IFRD2: variants seen among roughly 807,000 people sequenced by gnomAD.
The protein encoded by IFRD2 is interferon-related developmental regulator 2.
Under a neutral mutation model 49.2 loss-of-function variants are expected in IFRD2, and 35 were observed. The ratio of observed to expected loss-of-function variants is 0.71; its 90% CI spans 0.54 to 0.94. IFRD2 has a LOEUF of 0.94. IFRD2 is among the 40% of genes least tolerant of loss of function. The pLI, the probability that IFRD2 is intolerant of heterozygous loss-of-function variation, is 0.00. For missense variants in IFRD2, 561 were observed against 591.6 expected (o/e 0.95, Z 0.54); for synonymous variants, 275 against 239.7 (o/e 1.15, Z -1.36).
Position 50,289,936 on chromosome 3 carries a change from C to G in IFRD2, c.539G>C (p.Arg180Pro). ...LSDSTASPAA[R>P]LHCASALGLG... ...GGGCACAGGCACACTCACGTGGAGCCGGGCAGCAGGGCTAGCTGTGCTGTC... is the reference window on the plus strand; with the variant it reads ...GGGCACAGGCACACTCACGTGGAGCGGGGCAGCAGGGCTAGCTGTGCTGTC... Residue 180 changes from arginine to proline, a missense_variant, in exon 5 of 12, where the codon CGG becomes CCG. Transcript: ENST00000417626. 1.2e-6 allele frequency: 2 copies of G among 1,613,038 alleles called. No individual in the cohort carries two copies. Among genetic ancestry groups the G allele is most frequent in the Middle Eastern group, 1.7e-4 (1 of 6,052 alleles).
In IFRD2 at chr3:50,288,829, T is replaced by C; in HGVS notation, c.994A>G (p.Thr332Ala). The change falls in exon 9 of 12, where the codon ACT (threonine) becomes GCT (alanine). Residue 332 changes from threonine to alanine, a missense_variant. Coordinates refer to ENST00000417626, the MANE Select transcript of IFRD2 (RefSeq NM_006764.5). The part of the protein sequence containing the change: ...AKADRRRQRS[T>A]FRAVLHSVEG... Reference sequence around the variant, plus strand: ...ACGGAGTGCAGCACGGCGCGGAAAGTAGAGCGCTGGCGCCGACGATCAGCC... The same window carrying C: ...ACGGAGTGCAGCACGGCGCGGAAAGCAGAGCGCTGGCGCCGACGATCAGCC... 1.9e-6 allele frequency: 3 copies of C among 1,613,442 alleles called. No homozygotes were observed. The highest frequency in any genetic ancestry group is 2.2e-5 in the South Asian group (2 of 91,004).
chr3:50,290,163 G>C lies in IFRD2; in HGVS notation c.388+7C>G. 3 of 1,613,646 alleles carry C rather than the reference G, an allele frequency of 1.9e-6. No homozygotes were observed. The highest frequency in any genetic ancestry group is 2.5e-6 in the Non-Finnish European group (3 of 1,179,680). On this transcript the variant is annotated splice_region_variant and intron_variant, in intron 4 of 11. Transcript: ENST00000417626. ...GTTTAAGTCTCCCACACACCCCCAG[G>C]TCCAACCTTTCTTGAGGCACTTTTC...
chr3:50,288,444 C>A lies in IFRD2; in HGVS notation c.1213G>T (p.Ala405Ser), dbSNP rs376948252. 15 of 1,613,630 alleles carry A rather than the reference C, an allele frequency of 9.3e-6. No homozygotes were observed. The African/African-American group carries it at 1.6e-4, about 17-fold the overall frequency. ...LGPVLLLDAT[A>S]LKACKVPRFE... is the part of the protein sequence containing the mutation. Reference sequence around the variant, plus strand: ...CGTGGAACCTTGCAGGCCTTCAGGGCAGTGGCATCCAGCAACAGCACAGGG... The same window carrying A: ...CGTGGAACCTTGCAGGCCTTCAGGGAAGTGGCATCCAGCAACAGCACAGGG... The change falls in exon 11 of 12, where the codon GCC becomes TCC. Residue 405 changes from alanine to serine, a missense_variant. Physicochemically the swap from Ala to Ser is moderately conservative, Grantham distance 99. Coordinates refer to ENST00000417626, the MANE Select transcript of IFRD2 (RefSeq NM_006764.5).
Position 50,288,568 on chromosome 3 carries a change from T to C in IFRD2, c.1152+15A>G. The C allele has an allele frequency of 1.2e-6, 2 of 1,613,956 alleles. No individual in the cohort carries two copies. The highest frequency in any genetic ancestry group is 1.7e-6 in the Non-Finnish European group (2 of 1,179,874). On this transcript the variant is annotated intron_variant, in intron 10 of 11. Transcript: ENST00000417626. Reference sequence around the variant, plus strand: ...GCAACCACACCAGATGTCCCCTCCCTGTCCGTCCCCGCACCTGGAGGTGGT... The same window carrying C: ...GCAACCACACCAGATGTCCCCTCCCCGTCCGTCCCCGCACCTGGAGGTGGT...
At chr3:50,291,007 CTTTTTT>C (rs11306616) in intron 1 of IFRD2, among the ~76,000 whole-genome samples, 3 of 94,402 alleles carry the variant, frequency 3.2e-5, no homozygotes, top group Non-Finnish European at 4.5e-5. Context: ...TCCCCGCCAC[CTTTTTT>C]TTTTTTTTTT....
At position 50,290,379 on chromosome 3, in the gene IFRD2, C is replaced by T. The variant is rs782502721; in HGVS notation, c.263+9G>A. On this transcript the variant is annotated intron_variant, in intron 3 of 11. Coordinates refer to ENST00000417626, the MANE Select transcript of IFRD2 (RefSeq NM_006764.5). The stretch of plus-strand genomic sequence containing the variant: ...CTGGGTGTAGGAGTTGGCTGGCAGC[C>T]AGGGGTACCTCTTGTCTGTGAGACA... The T allele has an allele frequency of 6.3e-7, 1 of 1,587,072 alleles. No homozygotes were observed. Among genetic ancestry groups the T allele is most frequent in the South Asian group, 1.1e-5 (1 of 87,504 alleles).
At chr3:50,289,196 A>C (rs1419429979) in intron 8 of IFRD2, 59 bp downstream of exon 8, 16 of 1,432,110 alleles carry the variant, frequency 1.1e-5, no homozygotes, top group Non-Finnish European at 1.5e-5. Flanking sequence ...CACCCCCTGC[A>C]TCCAGCCTGT....
chr3:50,290,297 G>A lies in IFRD2; in HGVS notation c.264-3C>T, dbSNP rs1701648924. 1.2e-6 allele frequency: 2 copies of A among 1,609,458 alleles called. No homozygotes were observed. Among genetic ancestry groups the A allele is most frequent in the Non-Finnish European group, 1.7e-6 (2 of 1,177,864 alleles). On this transcript the variant is annotated splice_polypyrimidine_tract_variant and splice_region_variant and intron_variant, in intron 3 of 11. Transcript: ENST00000417626. ...GAGCACCCTGCCGGGTCTTGGCACT[G>A]GGGGAGGTCGAGAAGGGGGGTCATA...
Position 50,289,962 on chromosome 3 carries a change from A to G in IFRD2, c.513T>C (p.Ser171=), listed in dbSNP as rs1553709498. The change falls in exon 5 of 12, where the codon AGT becomes AGC. Residue 171 remains serine (S), a synonymous_variant. Transcript: ENST00000417626. ...GGGCAGCAGGGCTAGCTGTGCTGTC[A>G]CTGAGCACAGAGACCAGCAGAGGCT... ...SLQPLLVSVL[S]DSTASPAARL... is the part of the protein sequence containing the mutation. 6.2e-7 allele frequency: 1 copy of G among 1,613,092 alleles called. No homozygotes were observed. Among genetic ancestry groups the G allele is most frequent in the African/African-American group, 1.3e-5 (1 of 75,038 alleles).
chr3:50,292,043 C>T, intron 1 of IFRD2, 174 bp downstream of exon 1: 2 of 673,710 alleles, frequency 3.0e-6, no homozygotes, highest in Non-Finnish European at 4.6e-6. Context: ...AAGTTGGGCA[C>T]GCACGTGGCC....
Position 50,292,393 on chromosome 3 carries a change from C to G in IFRD2, c.-119G>C, listed in dbSNP as rs1426191034. The G allele has an allele frequency of 1.3e-6, 2 of 1,587,654 alleles. No individual in the cohort carries two copies. Among genetic ancestry groups the G allele is most frequent in the Non-Finnish European group, 1.7e-6 (2 of 1,172,812 alleles). On this transcript the variant is annotated 5_prime_UTR_variant, in exon 1 of 12. Coordinates refer to ENST00000417626, the MANE Select transcript of IFRD2 (RefSeq NM_006764.5). ...TTGGCCAGACGACGGGAGCCACACG[C>G]CACGCGCGCCACCATCTTCGCGAGG...
rs782533487 is a variant in IFRD2, at chr3:50,288,149, G to A, written c.*42C>T. On this transcript the variant is annotated 3_prime_UTR_variant, in exon 12 of 12. Coordinates refer to ENST00000417626, the MANE Select transcript of IFRD2 (RefSeq NM_006764.5). ...TTGCACTGTCTTCTGTTAAAAATAC[G>A]GACCAAGGGCATAGAAAGTCTCCTC... 26 of 1,506,092 alleles carry A rather than the reference G, an allele frequency of 1.7e-5. No homozygotes were observed. Among genetic ancestry groups the A allele is most frequent in the Non-Finnish European group, 2.2e-5 (24 of 1,087,146 alleles). 93.3% of individuals were successfully genotyped at this position (1,506,092 alleles called of 1,614,324 possible).
chr3:50,289,518 A>G lies in IFRD2; in HGVS notation c.708T>C (p.Ser236=), dbSNP rs782496435. 9.5e-6 allele frequency: 15 copies of G among 1,584,900 alleles called. No homozygotes were observed. The highest frequency in any genetic ancestry group is 1.7e-6 in the Non-Finnish European group (2 of 1,165,852). ...VVPASLHGLL[S]AALQAWALLL... Reference sequence around the variant, plus strand: ...GCAATGCCCAGGCCTGCAGGGCAGCAGAGAGCAGGCCGTGCAGGCTGGCAG... The same window carrying G: ...GCAATGCCCAGGCCTGCAGGGCAGCGGAGAGCAGGCCGTGCAGGCTGGCAG... Residue 236 remains serine (S), a synonymous_variant, in exon 7 of 12, where the codon TCT becomes TCC. Transcript: ENST00000417626.
intron 2 of IFRD2, 41 bp downstream of exon 2, chr3:50,290,519 A>G (rs374432742): frequency 1.2e-6 from 2 of 1,606,044 alleles, no homozygotes; most frequent in South Asian, 2.2e-5. Flanking sequence ...CAGCCCATGG[A>G]GCCCTCACCA....
rs1394710438 is a variant in IFRD2 at position 50,290,452 on chromosome 3, G to T, written c.199C>A (p.Gln67Lys). 1 of 1,577,328 alleles carries T rather than the reference G, an allele frequency of 6.3e-7. No homozygotes were observed. The highest frequency in any genetic ancestry group is 2.3e-5 in the East Asian group (1 of 43,032). ...DSLGGDVVDE[Q>K]GQQEDLEEKL... is the part of the protein sequence containing the mutation. The stretch of plus-strand genomic sequence containing the variant: ...TCCTCAAGGTCTTCCTGCTGGCCCT[G>T]CTCATCCACGACATCCCCCCCTGCA... Residue 67 changes from glutamine (Q) to lysine (K), a missense_variant, in exon 3 of 12, where the codon CAG becomes AAG. Physicochemically the swap from Gln to Lys is moderately conservative, Grantham distance 53. Transcript: ENST00000417626.
In IFRD2 at chr3:50,289,980, C is replaced by T. The variant is rs782363115; in HGVS notation, c.495G>A (p.Leu165=). The part of the protein sequence containing the change: ...GEELFHSLQP[L]LVSVLSDSTA... ...TGCTGTCACTGAGCACAGAGACCAG[C>T]AGAGGCTGCAGGCTGTGAAACAGCT... is the stretch of plus-strand genomic sequence containing the variant. Residue 165 remains leucine (L), a synonymous_variant, in exon 5 of 12, where the codon CTG becomes CTA. Transcript: ENST00000417626. 6 of 1,612,674 alleles carry T rather than the reference C, an allele frequency of 3.7e-6. No individual in the cohort carries two copies. The East Asian group carries it at 1.3e-4, about 36-fold the overall frequency.
chr3:50,289,530 G>A lies in IFRD2; in HGVS notation c.696C>T (p.His232=), dbSNP rs782450303. Residue 232 remains histidine, a synonymous_variant, in exon 7 of 12, where the codon CAC becomes CAT. Transcript: ENST00000417626. ...CCTGCAGGGCAGCAGAGAGCAGGCC[G>A]TGCAGGCTGGCAGGAACCACAGGAC... ...STSPVVPASL[H]GLLSAALQAW... is the part of the protein sequence containing the mutation. 13 of 1,581,434 alleles carry A rather than the reference G, an allele frequency of 8.2e-6. No homozygotes were observed. The highest frequency in any genetic ancestry group is 1.7e-4 in the Middle Eastern group (1 of 6,044).
chr3:50,289,961 C>T lies in IFRD2; in HGVS notation c.514G>A (p.Asp172Asn). 1 of 1,613,020 alleles carries T rather than the reference C, an allele frequency of 6.2e-7. No homozygotes were observed. The highest frequency in any genetic ancestry group is 1.1e-5 in the South Asian group (1 of 90,888). The change falls in exon 5 of 12, where the codon GAC (aspartate) becomes AAC (asparagine). Residue 172 changes from aspartate (D) to asparagine (N), a missense_variant. By Grantham distance (23) the Asp-to-Asn change is conservative. Transcript: ENST00000417626. ...CGGGCAGCAGGGCTAGCTGTGCTGT[C>T]ACTGAGCACAGAGACCAGCAGAGGC... Reference protein sequence around the residue: ...LQPLLVSVLSDSTASPAARLH... With the variant: ...LQPLLVSVLSNSTASPAARLH...
In IFRD2 at chr3:50,288,191, T is replaced by C; in HGVS notation, c.1329A>G (p.Ter443TrpextTer5). The C allele has an allele frequency of 6.2e-7, 1 of 1,612,774 alleles. No homozygotes were observed. The highest frequency in any genetic ancestry group is 1.1e-5 in the South Asian group (1 of 90,958). The change falls in exon 12 of 12, where the codon TGA becomes TGG. Residue 443 changes from the stop codon to tryptophan, a stop_lost. Coordinates refer to ENST00000417626, the MANE Select transcript of IFRD2 (RefSeq NM_006764.5). ...AGTCTCCTCTTCAGCAGGTCCTGCTTCACAGGATGTCTGCCCGCTTGTCCC... is the reference window on the plus strand; with the variant it reads ...AGTCTCCTCTTCAGCAGGTCCTGCTCCACAGGATGTCTGCCCGCTTGTCCC... ...RVRDKRADIL[*>W] is the part of the protein sequence containing the mutation.
Sources: gnomAD v4.1 joint callset for allele counts (sites outside exome capture counted in the v4.1 genomes callset) on GRCh38, gnomAD v4.1.1 for gene constraint, MANE v1.5 for transcripts, NCBI Gene and HGNC (gene_info 2026-07-23, HGNC 2026-07-21) for gene names.